SCN2A: variants seen among roughly 807,000 people sequenced by gnomAD.
The protein encoded by SCN2A is sodium voltage-gated channel alpha subunit 2.
Under a neutral mutation model 188.7 loss-of-function variants are expected in SCN2A, and 20 were observed. That is an observed-to-expected ratio of 0.11 (90% CI 0.07 to 0.15). The LOEUF is 0.15. Ranked by LOEUF, SCN2A falls within the 10% of genes least tolerant of loss-of-function variation. The pLI is 1.00. For missense variants in SCN2A, 1,278 were observed against 2,445.0 expected (o/e 0.52, Z 10.07); for synonymous variants, 804 against 833.1 (o/e 0.97, Z 0.60).
chr2:165,329,360 G>A (rs1574606492), intron 13 of SCN2A, among the ~76,000 whole-genome samples: 1 of 152,284 alleles, frequency 6.6e-6, no homozygotes, highest in South Asian at 2.1e-4. Flanking sequence ...AGGTGAGCCA[G>A]CAAAAGACAC....
intron 1 of SCN2A, among the ~76,000 whole-genome samples, chr2:165,253,851 A>T (rs1455648166): frequency 1.3e-5 from 2 of 152,018 alleles, no homozygotes; most frequent in East Asian, 3.8e-4. Context: ...TTTTCTAGGT[A>T]CATAATTTTG....
rs1053144344 is a variant in SCN2A, at chr2:165,248,867, A to G, written c.-52+9227A>G. 9.9e-5 allele frequency among the ~76,000 whole-genome samples: 15 copies of G among 152,232 alleles called. No individual in the cohort carries two copies. The East Asian group carries it at 2.5e-3, about 25-fold the overall frequency. ...AACTTAAATTTATTCCTTTAAGCAT[A>G]CTAAGGGGCACCATGCTTTCTCTTT... On this transcript the variant is annotated intron_variant, in intron 1 of 26. Transcript: ENST00000375437.
chr2:165,310,333 C>T lies in SCN2A; in HGVS notation c.708C>T (p.Thr236=). 9.3e-6 allele frequency: 15 copies of T among 1,613,500 alleles called. No homozygotes were observed. Among genetic ancestry groups the T allele is most frequent in the Non-Finnish European group, 1.2e-5 (14 of 1,179,562 alleles). The change falls in exon 7 of 27, where the codon ACC becomes ACT. Residue 236 remains threonine (T), a synonymous_variant. Coordinates refer to ENST00000375437, the MANE Select transcript of SCN2A (RefSeq NM_001040142.2). ...TGATTTTGTTTGTAGGCCTGAAGAC[C>T]ATTGTGGGGGCCCTGATCCAGTCAG... ...KTISVIPGLK[T]IVGALIQSVK... is the part of the protein sequence containing the mutation.
chr2:165,259,931 A>AT (rs140137535), intron 1 of SCN2A, among the ~76,000 whole-genome samples: 2,829 of 89,388 alleles, frequency 0.032, 106 homozygotes, highest in African/African-American at 0.078. Flanking sequence ...CTAAAAATGG[A>AT]TTTTTTTTTT....
At chr2:165,263,254 C>T (rs1440770979) in intron 1 of SCN2A, among the ~76,000 whole-genome samples, 3 of 152,116 alleles carry the variant, frequency 2.0e-5, no homozygotes, top group Admixed American at 2.0e-4. Context: ...TAATAAGTCT[C>T]ATCTATTTAT....
chr2:165,313,854 T>C (rs1189537200), intron 9 of SCN2A, 48 bp from the exon 10 acceptor site: 2 of 1,611,620 alleles, frequency 1.2e-6, no homozygotes, highest in East Asian at 2.2e-5. Context: ...AGTGTAAGTT[T>C]GTAACATCCT....
chr2:165,375,977 A>G (rs1162837925), intron 22 of SCN2A, among the ~76,000 whole-genome samples: 2 of 151,968 alleles, frequency 1.3e-5, no homozygotes, highest in Non-Finnish European at 2.9e-5. Flanking sequence ...ACATGATGTC[A>G]CTTATATATG....
intron 18 of SCN2A, among the ~76,000 whole-genome samples, chr2:165,366,224 A>T (rs1574694612): frequency 6.6e-6 from 1 of 152,284 alleles, no homozygotes; most frequent in East Asian, 1.9e-4. Context: ...TTGTAGACAA[A>T]TTGCCCCAAC....
intron 13 of SCN2A, among the ~76,000 whole-genome samples, chr2:165,329,559 T>A (rs1056224754): frequency 6.6e-6 from 1 of 152,208 alleles, no homozygotes; most frequent in Non-Finnish European, 1.5e-5. Context: ...ACTGTCAAGA[T>A]GAGCCACACC....
chr2:165,307,728 A>C lies in SCN2A; in HGVS notation c.387-120A>C. On this transcript the variant is annotated intron_variant, in intron 3 of 26. Coordinates refer to ENST00000375437, the MANE Select transcript of SCN2A (RefSeq NM_001040142.2). The stretch of plus-strand genomic sequence containing the variant: ...GGCAAAAAAAAGGGTCAATAATAGA[A>C]TAATAAGCAACAAAATAATAGTAAG... The C allele has an allele frequency of 3.9e-6, 3 of 770,452 alleles. No individual in the cohort carries two copies. In the South Asian group the frequency reaches 4.4e-5, roughly 11 times the overall value. The allele number at this position is 770,452 out of a possible 1,614,324, so 47.7% of individuals were successfully genotyped here. A position where few individuals can be genotyped will look rare whatever the true frequency, so the allele number is the denominator to read the frequency against.
rs567146551 is a variant in SCN2A, at chr2:165,257,208, C to T, written c.-52+17568C>T. Among the ~76,000 whole-genome samples the T allele has an allele frequency of 2.6e-5, 4 of 152,306 alleles. No individual in the cohort carries two copies. The South Asian group carries it at 8.3e-4, about 32-fold the overall frequency. The stretch of plus-strand genomic sequence containing the variant: ...CTTTCCCATCTGGTGGGAAATATTT[C>T]AGAAACATTAGTGACACTTGCAGTG... On this transcript the variant is annotated intron_variant, in intron 1 of 26. Transcript: ENST00000375437.
chr2:165,308,269 A>G lies in SCN2A; in HGVS notation c.476+332A>G, dbSNP rs116878669. Among the ~76,000 whole-genome samples, 399 of 152,248 alleles carry G rather than the reference A, an allele frequency of 2.6e-3. 20 individuals are homozygous for G. The East Asian group carries it at 0.06, about 23-fold the overall frequency. On this transcript the variant is annotated intron_variant, in intron 4 of 26. Transcript: ENST00000375437. ...TTTTTATGTTCCTTTTTTAATGACT[A>G]CCACAGTTCTGTGTTACTAGTATAT...
intron 22 of SCN2A, among the ~76,000 whole-genome samples, chr2:165,376,925 AAAAT>A (rs1383234196): frequency 1.5e-5 from 2 of 132,106 alleles, no homozygotes; most frequent in Non-Finnish European, 3.4e-5. Flanking sequence ...CAAGACTATT[AAAAT>A]AGTCAGGAAA....
At chr2:165,241,740 C>T (rs1693631377) in intron 1 of SCN2A, among the ~76,000 whole-genome samples, 1 of 152,134 alleles carries the variant, frequency 6.6e-6, no homozygotes. Flanking sequence ...ATATCAGCAC[C>T]TATCTTGTGC....
At chr2:165,293,283 A>G (rs1000674251) in intron 1 of SCN2A, among the ~76,000 whole-genome samples, 1 of 152,120 alleles carries the variant, frequency 6.6e-6, no homozygotes, top group African/African-American at 2.4e-5. Context: ...ATGAGTTTTT[A>G]TTTTTAACCC....
At chr2:165,289,551 T>C (rs1286761265) in intron 1 of SCN2A, among the ~76,000 whole-genome samples, 1 of 152,046 alleles carries the variant, frequency 6.6e-6, no homozygotes, top group Non-Finnish European at 1.5e-5. Context: ...CTGAATGAAA[T>C]TTAAAACCTT....
chr2:165,370,075 A>T, intron 19 of SCN2A, 51 bp from the exon 20 acceptor site: 2 of 1,517,900 alleles, frequency 1.3e-6, no homozygotes, highest in Non-Finnish European at 1.8e-6. Context: ...GAAATCATCA[A>T]TTAGAGACTG....
rs145465905 is a variant in SCN2A at position 165,374,846 on chromosome 2, C to T, written c.4134C>T (p.Ser1378=). ...NYTTGEMFDV[S]VVNNYSECKA... is the part of the protein sequence containing the mutation. The stretch of plus-strand genomic sequence containing the variant: ...CCACTGGAGAGATGTTTGATGTAAG[C>T]GTGGTCAACAACTACAGTGAGTGCA... Residue 1378 remains serine, a synonymous_variant, in exon 22 of 27, where the codon AGC becomes AGT. Transcript: ENST00000375437. 2.9e-5 allele frequency: 46 copies of T among 1,613,348 alleles called. No homozygotes were observed. Among genetic ancestry groups the T allele is most frequent in the Admixed American group, 1.3e-4 (8 of 59,898 alleles).
rs559725593 is a variant in SCN2A at position 165,314,078 on chromosome 2, A to G, written c.1353A>G (p.Glu451=). ...QKEAEFQQML[E]QLKKQQEEAQ... The stretch of plus-strand genomic sequence containing the variant: ...AAGCTGAATTTCAGCAGATGCTCGA[A>G]CAGTTGAAAAAGCAACAAGAAGAAG... The change falls in exon 10 of 27, where the codon GAA becomes GAG. Residue 451 remains glutamate, a synonymous_variant. Coordinates refer to ENST00000375437, the MANE Select transcript of SCN2A (RefSeq NM_001040142.2). 3.0e-5 allele frequency: 49 copies of G among 1,613,626 alleles called. No individual in the cohort carries two copies. The highest frequency in any genetic ancestry group is 1.6e-4 in the Middle Eastern group (1 of 6,062).
Sources: allele counts gnomAD v4.1 joint callset (sites outside exome capture counted in the v4.1 genomes callset), GRCh38; gene constraint gnomAD v4.1.1; transcripts MANE v1.5; gene names NCBI Gene and HGNC (gene_info 2026-07-23, HGNC 2026-07-21).